KIAA1217: variants seen among roughly 807,000 people sequenced by gnomAD.
KIAA1217 encodes the protein sickle tail protein homolog.
A neutral mutation model predicts 163.9 loss-of-function variants in KIAA1217; 88 were observed. The observed-to-expected ratio is 0.54, with a 90% CI of 0.45 to 0.64. The LOEUF is 0.64. Ranked by LOEUF, KIAA1217 falls within the 30% of genes least tolerant of loss-of-function variation. The probability of loss-of-function intolerance (pLI) is 0.00; values close to 1 mark genes in which losing one functional copy is unlikely to be tolerated. For synonymous variants in KIAA1217, 903 were observed against 923.1 expected, an observed-to-expected ratio of 0.98 and a Z score of 0.39; for missense variants, 2,372 against 2,475.0, an observed-to-expected ratio of 0.96 and a Z score of 0.88.
intron 2 of KIAA1217, among the ~76,000 whole-genome samples, chr10:24,059,125 T>C (rs1012515229): frequency 1.3e-5 from 2 of 152,220 alleles, no homozygotes; most frequent in South Asian, 2.1e-4. Flanking sequence ...TCTGCATCTA[T>C]TGAGATGAGC....
chr10:24,221,322 A>G (rs1353531163), intron 2 of KIAA1217, among the ~76,000 whole-genome samples: 1 of 139,652 alleles, frequency 7.2e-6, no homozygotes, highest in Non-Finnish European at 1.5e-5. Context: ...TGGAGAATGT[A>G]GGGAAGGAAG....
At position 24,269,080 on chromosome 10, in the gene KIAA1217, G is replaced by A. The variant is rs374895515; in HGVS notation, c.354+49171G>A. Among the ~76,000 whole-genome samples the A allele has an allele frequency of 5.8e-3, 821 of 141,684 alleles. 8 individuals are homozygous for A. The highest frequency in any genetic ancestry group is 0.021 in the African/African-American group (772 of 37,560). The allele number at this position is 141,684 out of a possible 152,430, so 93.0% of individuals were successfully genotyped here. On this transcript the variant is annotated intron_variant, in intron 2 of 20. Transcript: ENST00000376454. Reference sequence around the variant, plus strand: ...GTGGTGGGGTGGGGGGAGGGGGGAAGGATAGCATTGGGAGATATACCTAAT... The same window carrying A: ...GTGGTGGGGTGGGGGGAGGGGGGAAAGATAGCATTGGGAGATATACCTAAT...
intron 3 of KIAA1217, among the ~76,000 whole-genome samples, chr10:24,395,567 T>A (rs1225862428): frequency 6.6e-6 from 1 of 152,232 alleles, no homozygotes; most frequent in Non-Finnish European, 1.5e-5. Flanking sequence ...GAAAGTTCCC[T>A]TGGAACAAGA....
At chr10:23,752,878 CAT>C (rs1311662534) in intron 1 of KIAA1217, among the ~76,000 whole-genome samples, 2 of 152,184 alleles carry the variant, frequency 1.3e-5, no homozygotes, top group African/African-American at 4.8e-5. Flanking sequence ...CTAAGCTACA[CAT>C]ACTACAATTT....
chr10:23,744,606 T>G lies in KIAA1217; in HGVS notation c.-321+49372T>G, dbSNP rs989861584. ...CCCTGGGAAGTACGTGGAAAAGGCATGATGGAAATGATTACGGAAGGTTAT... is the reference window on the plus strand; with the variant it reads ...CCCTGGGAAGTACGTGGAAAAGGCAGGATGGAAATGATTACGGAAGGTTAT... On this transcript the variant is annotated intron_variant, in intron 1 of 18. Transcript: ENST00000376462. 2.0e-5 allele frequency among the ~76,000 whole-genome samples: 3 copies of G among 152,344 alleles called. No individual in the cohort carries two copies. In the South Asian group the frequency reaches 6.2e-4, roughly 32 times the overall value.
intron 1 of KIAA1217, among the ~76,000 whole-genome samples, chr10:23,913,108 A>G (rs939078912): frequency 2.6e-5 from 4 of 152,182 alleles, no homozygotes; most frequent in Non-Finnish European, 5.9e-5. Context: ...CTTGTCTTCT[A>G]CTAAGACAGC....
chr10:24,412,873 G>A (rs1324781302), intron 3 of KIAA1217, among the ~76,000 whole-genome samples: 1 of 152,116 alleles, frequency 6.6e-6, no homozygotes, highest in African/African-American at 2.4e-5. Flanking sequence ...ACCTCAACAA[G>A]TCCAAAAAAT....
Position 24,473,773 on chromosome 10 carries a change from T to G in KIAA1217, c.1392T>G (p.Pro464=), listed in dbSNP as rs1250284191. 1 of 1,614,106 alleles carries G rather than the reference T, an allele frequency of 6.2e-7. No homozygotes were observed. Among genetic ancestry groups the G allele is most frequent in the Admixed American group, 1.7e-5 (1 of 60,018 alleles). The stretch of plus-strand genomic sequence containing the variant: ...GGAAATATCCGGATAGCCATTTGCC[T>G]ACACTGGGCTCCAAAACACCCCCTG... ...KSRKYPDSHL[P]TLGSKTPPAS... Residue 464 remains proline, a synonymous_variant, in exon 6 of 21, where the codon CCT becomes CCG. Coordinates refer to ENST00000376454, the MANE Select transcript of KIAA1217 (RefSeq NM_019590.5).
intron 1 of KIAA1217, among the ~76,000 whole-genome samples, chr10:23,824,649 AATAAAAAAAAT>A (rs1182578322): frequency 3.7e-4 from 27 of 73,482 alleles, no homozygotes; most frequent in African/African-American, 1.6e-3. Flanking sequence ...AAAAAAAAAA[AATAAAAAAAAT>A]ATATATATAT....
At chr10:24,281,404 T>C (rs181379381) in intron 2 of KIAA1217, among the ~76,000 whole-genome samples, 22 of 152,300 alleles carry the variant, frequency 1.4e-4, no homozygotes, top group African/African-American at 4.8e-4. Context: ...TTGGACAGTT[T>C]CTTTTGTCTT....
At chr10:24,199,501 A>G (rs958327510) in intron 2 of KIAA1217, among the ~76,000 whole-genome samples, 1 of 152,182 alleles carries the variant, frequency 6.6e-6, no homozygotes, top group South Asian at 2.1e-4. Flanking sequence ...TGTGGCGGGG[A>G]CAGACATTCA....
intron 2 of KIAA1217, among the ~76,000 whole-genome samples, chr10:24,013,256 T>G (rs58609181): frequency 0.01 from 1,573 of 152,134 alleles, 33 homozygotes; most frequent in African/African-American, 0.036. Flanking sequence ...AAAATACACT[T>G]GTTAGACAAG....
chr10:23,932,619 A>T (rs1843304713), intron 1 of KIAA1217, among the ~76,000 whole-genome samples: 1 of 152,172 alleles, frequency 6.6e-6, no homozygotes, highest in African/African-American at 2.4e-5. Flanking sequence ...CATTTTCTTT[A>T]TGATTTTTAG....
chr10:24,466,358 AT>A (rs2062945683), intron 5 of KIAA1217, among the ~76,000 whole-genome samples: 1 of 151,528 alleles, frequency 6.6e-6, no homozygotes, highest in Non-Finnish European at 1.5e-5. Flanking sequence ...CTGTTAACCC[AT>A]TTACCTAGGC....
chr10:24,230,497 G>GTTTT (rs1466924722), intron 2 of KIAA1217, among the ~76,000 whole-genome samples: 37 of 48,278 alleles, frequency 7.7e-4, no homozygotes, highest in South Asian at 3.6e-3. Context: ...ACTACTATTT[G>GTTTT]TTTTGTTTTT....
chr10:24,360,898 GT>G (rs11324429), intron 2 of KIAA1217, among the ~76,000 whole-genome samples: 71,477 of 146,900 alleles, frequency 0.49, 18,085 homozygotes, highest in African/African-American at 0.65. Flanking sequence ...ATGCTAAGTG[GT>G]TTTTTTTTTT....
intron 2 of KIAA1217, among the ~76,000 whole-genome samples, chr10:24,238,675 T>C (rs1377063529): frequency 2.6e-5 from 4 of 152,102 alleles, no homozygotes; most frequent in Non-Finnish European, 5.9e-5. Context: ...GGTAAAAAGT[T>C]CTAGGAAGGG....
intron 9 of KIAA1217, among the ~76,000 whole-genome samples, chr10:24,511,385 GT>G (rs1190645362): frequency 1.3e-5 from 2 of 152,076 alleles, no homozygotes; most frequent in Non-Finnish European, 2.9e-5. Flanking sequence ...GCTCATGCCT[GT>G]AATCCCAGCA....
intron 2 of KIAA1217, among the ~76,000 whole-genome samples, chr10:24,250,536 G>A (rs2074361447): frequency 6.6e-6 from 1 of 150,816 alleles, no homozygotes; most frequent in Non-Finnish European, 1.5e-5. Flanking sequence ...AGGTTCAAGC[G>A]ATTCTCCTGC....
Sources: allele counts gnomAD v4.1 joint callset (sites outside exome capture counted in the v4.1 genomes callset), GRCh38; gene constraint gnomAD v4.1.1; transcripts MANE v1.5; gene names NCBI Gene and HGNC (gene_info 2026-07-23, HGNC 2026-07-21).